UNC79: variants seen among roughly 807,000 people sequenced by gnomAD.
The protein encoded by UNC79 is unc-79 subunit of NALCN channel complex, also known as protein unc-79 homolog.
In UNC79, 37 loss-of-function variants were observed where a neutral mutation model predicts 283.1. That is an observed-to-expected ratio of 0.13 (90% CI 0.10 to 0.17). The LOEUF is 0.17. Ranked by LOEUF, UNC79 falls within the 10% of genes least tolerant of loss-of-function variation. The pLI is 1.00. For synonymous variants in UNC79, 1,107 were observed against 1,200.2 expected (o/e 0.92, Z 1.61); for missense variants, 2,272 against 3,211.1 (o/e 0.71, Z 7.07).
chr14:93,593,581 C>T (rs1398174356), intron 22 of UNC79, 99 bp from the exon 23 acceptor site: 3 of 1,433,240 alleles, frequency 2.1e-6, no homozygotes, highest in African/African-American at 1.4e-5. Flanking sequence ...CCCCTACCCA[C>T]CGTCTTGTAA....
At chr14:93,443,094 C>A (rs1303492770) in intron 1 of UNC79, among the ~76,000 whole-genome samples, 1 of 152,006 alleles carries the variant, frequency 6.6e-6, no homozygotes, top group African/African-American at 2.4e-5. Flanking sequence ...CGTGGTAGTG[C>A]ATGCCTGTAG....
intron 46 of UNC79, among the ~76,000 whole-genome samples, chr14:93,692,173 G>T (rs192968310): frequency 6.6e-6 from 1 of 152,152 alleles, no homozygotes; most frequent in Non-Finnish European, 1.5e-5. Flanking sequence ...ATTGTACGCC[G>T]TGGTGACTAC....
In UNC79 at chr14:93,641,121, G is replaced by T. The variant is rs2068993852; in HGVS notation, c.5801-24G>T. The T allele has an allele frequency of 3.1e-6, 5 of 1,606,382 alleles. No individual in the cohort carries two copies. The Admixed American group carries it at 6.7e-5, about 22-fold the overall frequency. ...CCTTGAAGCTCATCTATATTCACTG[G>T]TTGTCCCTTTGCTGCTTACCCAGGT... is the stretch of plus-strand genomic sequence containing the variant. On this transcript the variant is annotated intron_variant, in intron 32 of 48. Transcript: ENST00000555664.
At chr14:93,609,528 A>G (rs960627725) in intron 26 of UNC79, among the ~76,000 whole-genome samples, 1 of 152,180 alleles carries the variant, frequency 6.6e-6, no homozygotes, top group South Asian at 2.1e-4. Flanking sequence ...ATAATTATAA[A>G]TATATTTTCT....
At chr14:93,461,430 A>G (rs2056959538) in intron 1 of UNC79, among the ~76,000 whole-genome samples, 2 of 152,180 alleles carry the variant, frequency 1.3e-5, no homozygotes, top group African/African-American at 4.8e-5. Context: ...CTCCCAAGAA[A>G]CGGTGAGGAT....
At chr14:93,525,957 T>C (rs1057399455) in intron 8 of UNC79, among the ~76,000 whole-genome samples, 1 of 152,200 alleles carries the variant, frequency 6.6e-6, no homozygotes, top group Non-Finnish European at 1.5e-5. Context: ...GAGTCAGCCA[T>C]GATAGGTCAA....
intron 40 of UNC79, among the ~76,000 whole-genome samples, chr14:93,665,173 T>C (rs2072043682): frequency 6.7e-6 from 1 of 149,240 alleles, no homozygotes; most frequent in South Asian, 2.1e-4. Flanking sequence ...ATACTTTAAA[T>C]GATAAGCATA....
rs868657017 is a variant in UNC79 at position 93,550,540 on chromosome 14, A to C, written c.1755+7844A>C. On this transcript the variant is annotated intron_variant, in intron 14 of 48. Transcript: ENST00000555664. ...AAAAAAAAAAAAAAAAAAAAAAAAA[A>C]AGAGGAAGGAGTCTTCCCTGGCTCA... Among the ~76,000 whole-genome samples, 320 of 149,912 alleles carry C rather than the reference A, an allele frequency of 2.1e-3. 12 individuals are homozygous for C. In the Middle Eastern group the frequency reaches 0.028, roughly 13 times the overall value.
intron 33 of UNC79, among the ~76,000 whole-genome samples, chr14:93,641,479 C>T (rs1163775972): frequency 1.3e-5 from 2 of 151,992 alleles, no homozygotes; most frequent in African/African-American, 2.4e-5. Flanking sequence ...ATGGCAAAAC[C>T]CTGTTTCTAC....
intron 1 of UNC79, among the ~76,000 whole-genome samples, chr14:93,344,565 A>C (rs11620722): frequency 0.074 from 11,220 of 152,224 alleles, 878 homozygotes; most frequent in African/African-American, 0.19. Context: ...AGGGAAAAAA[A>C]AACATGGCTC....
intron 23 of UNC79, among the ~76,000 whole-genome samples, chr14:93,596,473 A>G (rs1035320766): frequency 1.3e-4 from 20 of 152,278 alleles, no homozygotes; most frequent in African/African-American, 4.1e-4. Flanking sequence ...TGTCTCTACT[A>G]AAAATACTAA....
intron 1 of UNC79, among the ~76,000 whole-genome samples, chr14:93,458,258 C>T (rs1241441430): frequency 1.3e-5 from 2 of 152,180 alleles, no homozygotes; most frequent in Non-Finnish European, 2.9e-5. Context: ...ATATTAATAA[C>T]TAGCACTGGC....
chr14:93,348,001 A>G lies in UNC79; in HGVS notation c.-351+14478A>G, dbSNP rs774353330. The G allele has an allele frequency of 3.5e-6, 5 of 1,419,852 alleles. No homozygotes were observed. The Admixed American group carries it at 6.7e-5, about 19-fold the overall frequency. The allele number at this position is 1,419,852 out of a possible 1,614,324, so 88.0% of individuals were successfully genotyped here. On this transcript the variant is annotated intron_variant, in intron 1 of 49. Coordinates refer to the UNC79 transcript ENST00000256339. The stretch of plus-strand genomic sequence containing the variant: ...GTCACTGGCCTAGGAAGCCATACTC[A>G]GCAGCGCGTGTCATCTTCTCTTCCA...
chr14:93,657,838 C>A (rs11620992), intron 38 of UNC79, among the ~76,000 whole-genome samples: 9,489 of 152,186 alleles, frequency 0.062, 451 homozygotes, highest in African/African-American at 0.14. Context: ...AGAATTGAGA[C>A]CCTTAGGAAC....
Position 93,622,388 on chromosome 14 carries a change from G to A in UNC79, c.5155G>A (p.Asp1719Asn), listed in dbSNP as rs755931879. 9 of 1,614,162 alleles carry A rather than the reference G, an allele frequency of 5.6e-6. No homozygotes were observed. The highest frequency in any genetic ancestry group is 1.6e-4 in the Middle Eastern group (1 of 6,062). Residue 1719 changes from aspartate (D) to asparagine (N), a missense_variant, in exon 30 of 49, where the codon GAC becomes AAC. By Grantham distance (23) the Asp-to-Asn change is conservative. Coordinates refer to ENST00000555664, the Ensembl canonical transcript of UNC79. The stretch of plus-strand genomic sequence containing the variant: ...TGACTCTGCCCTCATCACTCTGGAA[G>A]ACCCTATGGACGCCGAAGGATCCTC...
chr14:93,344,836 G>C (rs2053790436), intron 1 of UNC79, among the ~76,000 whole-genome samples: 1 of 152,200 alleles, frequency 6.6e-6, no homozygotes, highest in Non-Finnish European at 1.5e-5. Context: ...TTAGGGAGGT[G>C]GCCAGCCATG....
chr14:93,487,051 A>G (rs1158982145), intron 4 of UNC79, among the ~76,000 whole-genome samples: 2 of 152,236 alleles, frequency 1.3e-5, no homozygotes, highest in African/African-American at 4.8e-5. Context: ...AATGGTTCTC[A>G]TGGTAATGAA....
chr14:93,641,403 A>G (rs904169729), intron 33 of UNC79, among the ~76,000 whole-genome samples, 156 bp downstream of exon 36: 1 of 152,184 alleles, frequency 6.6e-6, no homozygotes, highest in Non-Finnish European at 1.5e-5. Flanking sequence ...TTCAGTGAGT[A>G]TGATAAAGAA....
At chr14:93,648,588 A>T (rs530021642) in intron 35 of UNC79, among the ~76,000 whole-genome samples, 3 of 152,266 alleles carry the variant, frequency 2.0e-5, no homozygotes, top group African/African-American at 7.2e-5. Context: ...CGGGTGTGGC[A>T]TTTGCTGAGA....
Sources: gnomAD v4.1 joint callset for allele counts (sites outside exome capture counted in the v4.1 genomes callset) on GRCh38, gnomAD v4.1.1 for gene constraint, MANE v1.5 for transcripts, NCBI Gene and HGNC (gene_info 2026-07-23, HGNC 2026-07-21) for gene names.